TTN: variants seen among roughly 807,000 people sequenced by gnomAD.
The protein encoded by TTN is titin.
A neutral mutation model predicts 3,223.0 loss-of-function variants in TTN; 1,525 were observed. The ratio of observed to expected loss-of-function variants is 0.47; its 90% CI spans 0.45 to 0.49. The LOEUF (loss-of-function observed/expected upper bound fraction) is 0.49, where lower values mean the gene tolerates loss of function less well. Among genes scored for constraint, TTN ranks in the 20% least tolerant of loss-of-function variants. The pLI, the probability that TTN is intolerant of heterozygous loss-of-function variation, is 0.00. For missense variants in TTN, 40,786 were observed against 43,424.0 expected (o/e 0.94, Z 5.40); for synonymous variants, 14,094 against 15,161.0 (o/e 0.93, Z 5.17).
In TTN at chr2:178,616,586, T is replaced by C. The variant is rs752099554; in HGVS notation, c.48205A>G (p.Lys16069Glu). ...PKELKFGDIT[K>E]DSVHLTWEPP... Reference sequence around the variant, plus strand: ...TCCCAAGTCAAATGTACTGAGTCCTTGGTTATATCACCAAATTTCAATTCT... The same window carrying C: ...TCCCAAGTCAAATGTACTGAGTCCTCGGTTATATCACCAAATTTCAATTCT... The change falls in exon 257 of 363, where the codon AAG (lysine) becomes GAG (glutamate). Residue 16069 changes from lysine (K) to glutamate (E), a missense_variant. Coordinates refer to ENST00000589042, the MANE Select transcript of TTN (RefSeq NM_001267550.2). 1 of 1,612,392 alleles carries C rather than the reference T, an allele frequency of 6.2e-7. No homozygotes were observed. The highest frequency in any genetic ancestry group is 8.5e-7 in the Non-Finnish European group (1 of 1,179,004).
rs763049657 is a variant in TTN, at chr2:178,710,849, A to G, written c.28248T>C (p.Phe9416=). 5 of 1,613,752 alleles carry G rather than the reference A, an allele frequency of 3.1e-6. No homozygotes were observed. In the East Asian group the frequency reaches 1.1e-4, roughly 36 times the overall value. Residue 9416 remains phenylalanine (F), a synonymous_variant, in exon 98 of 363, where the codon TTT becomes TTC. Transcript: ENST00000589042. ...VDAVVGESAD[F]ECHVTGTQPI... ...GTTGTGTGCCCGTGACGTGGCACTC[A>G]AAGTCAGCACTTTCTCCCACCACAG...
chr2:178,679,581 C>T lies in TTN; in HGVS notation c.33664+18G>A, dbSNP rs2154269790. On this transcript the variant is annotated intron_variant, in intron 141 of 362. Transcript: ENST00000589042. The stretch of plus-strand genomic sequence containing the variant: ...CAGATGAAGTCTCTTAGATACCCGT[C>T]AATGAATGGTGGTGTACCTTTTGCC... 1.9e-6 allele frequency: 3 copies of T among 1,606,280 alleles called. No individual in the cohort carries two copies. The highest frequency in any genetic ancestry group is 1.7e-6 in the Non-Finnish European group (2 of 1,177,472).
chr2:178,723,719 T>G (rs1449708786), intron 73 of TTN, 23 bp from the exon 74 acceptor site: 2 of 1,536,480 alleles, frequency 1.3e-6, no homozygotes, highest in African/African-American at 1.4e-5. Context: ...GGAGAACAAT[T>G]AAAAGATCCT....
chr2:178,581,715 C>T lies in TTN; in HGVS notation c.66553G>A (p.Gly22185Ser), dbSNP rs560206502. The T allele has an allele frequency of 5.6e-6, 9 of 1,610,744 alleles. No homozygotes were observed. Among genetic ancestry groups the T allele is most frequent in the Admixed American group, 3.4e-5 (2 of 59,644 alleles). The part of the protein sequence containing the change: ...LSWGKPAYDG[G>S]SPIIGYLVEV... ...ACGAGATAACCAATGATAGGGCTGC[C>T]GCCGTCATAGGCTGGCTTGCCCCAA... The change falls in exon 316 of 363, where the codon GGC becomes AGC. Residue 22185 changes from glycine (G) to serine (S), a missense_variant. Physicochemically the swap from Gly to Ser is moderately conservative, Grantham distance 56. Coordinates refer to ENST00000589042, the MANE Select transcript of TTN (RefSeq NM_001267550.2).
At chr2:178,778,796 C>T in intron 24 of TTN, 78 bp downstream of exon 24, 1 of 1,591,824 alleles carries the variant, frequency 6.3e-7, no homozygotes, top group Non-Finnish European at 8.6e-7. Context: ...TTTCTTCTTA[C>T]ACAATAGCAA....
At chr2:178,678,898 T>C in intron 142 of TTN, 68 bp from the exon 143 acceptor site, 2 of 1,290,770 alleles carry the variant, frequency 1.5e-6, no homozygotes, top group African/African-American at 1.5e-5. Flanking sequence ...AGGCTGGCAA[T>C]GTAAGGCCTT....
chr2:178,667,108 A>G (rs901407381), intron 162 of TTN, 128 bp downstream of exon 162: 13 of 974,174 alleles, frequency 1.3e-5, no homozygotes, highest in East Asian at 1.3e-4. Flanking sequence ...TGTTGTGGGT[A>G]TATCAGATCC....
intron 47 of TTN, chr2:178,747,297 C>A: frequency 1.2e-6 from 2 of 1,613,292 alleles, no homozygotes; most frequent in Non-Finnish European, 1.7e-6. Context: ...CTTTCAGCAA[C>A]TTCCCCTAAA....
chr2:178,690,684 C>T (rs2072167922), intron 121 of TTN, among the ~76,000 whole-genome samples: 3 of 152,064 alleles, frequency 2.0e-5, no homozygotes, highest in African/African-American at 4.8e-5. Context: ...ATATTGGCAG[C>T]TTTTGTGAAT....
chr2:178,692,176 T>C (rs2072621207), intron 120 of TTN, 77 bp from the exon 121 acceptor site: 2 of 1,340,398 alleles, frequency 1.5e-6, no homozygotes, highest in Admixed American at 1.9e-5. Context: ...CATTAAAGCA[T>C]AAATCTTCAC....
In TTN at chr2:178,578,003, C is replaced by A. The variant is rs2046828341; in HGVS notation, c.68512G>T (p.Ala22838Ser). 1 of 1,612,794 alleles carries A rather than the reference C, an allele frequency of 6.2e-7. No individual in the cohort carries two copies. The highest frequency in any genetic ancestry group is 8.5e-7 in the Non-Finnish European group (1 of 1,179,382). ...KPSLPSEPVV[A>S]LDPIDPPGKP... ...AATGACTTACCAATTGGGTCCAGTG[C>A]CACAACAGGCTCTGATGGTAGGCTT... The change falls in exon 322 of 363, where the codon GCA becomes TCA. Residue 22838 changes from alanine (A) to serine (S), a missense_variant. By Grantham distance (99) the Ala-to-Ser change is moderately conservative. Coordinates refer to ENST00000589042, the MANE Select transcript of TTN (RefSeq NM_001267550.2).
At chr2:178,663,924 T>G in intron 169 of TTN, 22 bp from the exon 170 acceptor site, 2 of 1,613,030 alleles carry the variant, frequency 1.2e-6, no homozygotes, top group Non-Finnish European at 1.7e-6. Context: ...TTAGTGAAAT[T>G]ACATTTAGGT....
At chr2:178,581,833 C>A (rs762667313) in intron 315 of TTN, 29 bp from the exon 316 acceptor site, 2 of 1,595,862 alleles carry the variant, frequency 1.3e-6, no homozygotes, top group South Asian at 2.3e-5. Context: ...AGGAAATTTT[C>A]ATGAAAACTT....
At chr2:178,745,877 T>C in intron 47 of TTN, 8 of 1,611,840 alleles carry the variant, frequency 5.0e-6, no homozygotes, top group South Asian at 1.1e-5. Flanking sequence ...TTCCACCACC[T>C]GAAATTCAAA....
At position 178,684,326 on chromosome 2, in the gene TTN, G is replaced by A. The variant is rs1439403619; in HGVS notation, c.32722+4C>T. 26 of 1,612,938 alleles carry A rather than the reference G, an allele frequency of 1.6e-5. No individual in the cohort carries two copies. Among genetic ancestry groups the A allele is most frequent in the African/African-American group, 4.0e-5 (3 of 74,822 alleles). On this transcript the variant is annotated splice_donor_region_variant and intron_variant, in intron 132 of 362. Transcript: ENST00000589042. ...TATTGTGCATAATGGAAGGGCGGAT[G>A]TACCTCTTGCTTTTGGAGGCGCCTC...
At position 178,533,712 on chromosome 2, in the gene TTN, A is replaced by T; in HGVS notation, c.102903T>A (p.Gly34301=). Residue 34301 remains glycine, a synonymous_variant, in exon 358 of 363, where the codon GGT becomes GGA. Coordinates refer to ENST00000589042, the MANE Select transcript of TTN (RefSeq NM_001267550.2). ...WYKSGQKIKP[G]DNDKKYTFES... is the part of the protein sequence containing the mutation. ...CAAATGTGTACTTCTTGTCATTGTC[A>T]CCTGGTTTGATTTTCTGACCTGATT... The T allele has an allele frequency of 6.2e-7, 1 of 1,613,814 alleles. No homozygotes were observed. Among genetic ancestry groups the T allele is most frequent in the Non-Finnish European group, 8.5e-7 (1 of 1,179,854 alleles).
chr2:178,650,717 T>C, intron 209 of TTN, 34 bp downstream of exon 209: 1 of 1,542,324 alleles, frequency 6.5e-7, no homozygotes, highest in Non-Finnish European at 8.8e-7. Flanking sequence ...TAGTCGCAAG[T>C]GGCAAGGTCA....
chr2:178,798,706 A>G (rs1435465739), intron 6 of TTN: 1 of 152,186 alleles, frequency 6.6e-6, no homozygotes, highest in Non-Finnish European at 1.5e-5. Flanking sequence ...GTTACCTATC[A>G]ATAACATTGA....
chr2:178,771,183 T>C, intron 34 of TTN, 28 bp downstream of exon 34: 2 of 1,613,494 alleles, frequency 1.2e-6, no homozygotes, highest in Non-Finnish European at 1.7e-6. Flanking sequence ...TAATATGATT[T>C]GAAAAGGACA....
Sources: allele counts gnomAD v4.1 joint callset (sites outside exome capture counted in the v4.1 genomes callset), GRCh38; gene constraint gnomAD v4.1.1; transcripts MANE v1.5; gene names NCBI Gene and HGNC (gene_info 2026-07-23, HGNC 2026-07-21).